CPPED1: variants seen among roughly 807,000 people sequenced by gnomAD.
The protein encoded by CPPED1 is serine/threonine-protein phosphatase CPPED1.
In CPPED1, 28 loss-of-function variants were observed where a neutral mutation model predicts 28.0. That is an observed-to-expected ratio of 1.00 (90% CI 0.74 to 1.37). CPPED1 has a LOEUF of 1.37. CPPED1 is among the 40% of genes most tolerant of loss of function. The pLI is 0.00. For missense variants in CPPED1, 504 were observed against 416.5 expected, an observed-to-expected ratio of 1.21 and a Z score of -1.83; for synonymous variants, 198 against 180.2, an observed-to-expected ratio of 1.10 and a Z score of -0.79.
intron 1 of CPPED1, among the ~76,000 whole-genome samples, chr16:12,789,671 G>T (rs2080584693): frequency 1.3e-5 from 2 of 152,000 alleles, no homozygotes; most frequent in South Asian, 2.1e-4. Context: ...GAGCACAGGT[G>T]CGCGACACCA....
intron 2 of CPPED1, among the ~76,000 whole-genome samples, chr16:12,749,458 C>T (rs2865631): frequency 0.75 from 113,483 of 152,038 alleles, 42,790 homozygotes; most frequent in Admixed American, 0.85. Flanking sequence ...GTCTTGCTAT[C>T]TCTACCACAT....
chr16:12,691,971 A>T (rs534202335), intron 3 of CPPED1, among the ~76,000 whole-genome samples: 94 of 142,824 alleles, frequency 6.6e-4, no homozygotes, highest in African/African-American at 2.3e-3. Context: ...AATACAAAAT[A>T]AAAAAAAAAC....
Position 12,664,505 on chromosome 16 carries a change from AAAG to A in CPPED1, c.*378_*380del, listed in dbSNP as rs1341317260. The A allele has an allele frequency of 2.8e-5, 30 of 1,061,506 alleles. No homozygotes were observed. The highest frequency in any genetic ancestry group is 2.0e-4 in the South Asian group (7 of 35,368). 65.8% of individuals were successfully genotyped at this position (1,061,506 alleles called of 1,614,324 possible). A position where few individuals can be genotyped will look rare whatever the true frequency, so the allele number is the denominator to read the frequency against. On this transcript the variant is annotated 3_prime_UTR_variant, in exon 4 of 4. Transcript: ENST00000381774. This position sits in a 1 kb window ranked among gnomAD's most constrained non-coding sequence, Gnocchi z 4.2. Reference sequence around the variant, plus strand: ...GGTGTAGTTTGTTTAAGGAATTATCAAAGATCATACTTGGCTGTCAGATTGGAA... The same window carrying A: ...GGTGTAGTTTGTTTAAGGAATTATCAATCATACTTGGCTGTCAGATTGGAA...
intron 2 of CPPED1, among the ~76,000 whole-genome samples, chr16:12,712,430 G>A (rs1018520146): frequency 6.6e-6 from 1 of 152,204 alleles, no homozygotes; most frequent in African/African-American, 2.4e-5. Context: ...GATATTGAGT[G>A]AGCCAGCAGT....
At position 12,663,706 on chromosome 16, in the gene CPPED1, G is replaced by A. The variant is rs2079809328; in HGVS notation, c.*1180C>T. On this transcript the variant is annotated 3_prime_UTR_variant, in exon 4 of 4. Coordinates refer to ENST00000381774, the MANE Select transcript of CPPED1 (RefSeq NM_018340.3). ...TTGCAGGTCATGTGTAACCAGCTTTGGAAATCATTTTAGGATTACTGAGTG... is the reference window on the plus strand; with the variant it reads ...TTGCAGGTCATGTGTAACCAGCTTTAGAAATCATTTTAGGATTACTGAGTG... 1 of 152,076 alleles carries A rather than the reference G, an allele frequency of 6.6e-6. No individual in the cohort carries two copies. The highest frequency in any genetic ancestry group is 1.5e-5 in the Non-Finnish European group (1 of 68,008). 9.4% of individuals were successfully genotyped at this position (152,076 alleles called of 1,614,324 possible). A position where few individuals can be genotyped will look rare whatever the true frequency, so the allele number is the denominator to read the frequency against.
chr16:12,785,055 G>A (rs1341944409), intron 1 of CPPED1, among the ~76,000 whole-genome samples: 1 of 152,128 alleles, frequency 6.6e-6, no homozygotes, highest in Non-Finnish European at 1.5e-5. Flanking sequence ...ATTCTCCAAA[G>A]GAACTGGATG....
chr16:12,672,214 A>C (rs186653624), intron 3 of CPPED1, among the ~76,000 whole-genome samples: 178 of 152,376 alleles, frequency 1.2e-3, no homozygotes, highest in Non-Finnish European at 1.5e-3. Context: ...AACTCATGTT[A>C]AGGGGGCAAT....
intron 3 of CPPED1, among the ~76,000 whole-genome samples, chr16:12,698,963 C>G (rs1361245244): frequency 1.3e-5 from 2 of 152,058 alleles, no homozygotes; most frequent in Non-Finnish European, 2.9e-5. Flanking sequence ...GAAAAGGTAT[C>G]GAGACATCAA....
Position 12,803,732 on chromosome 16 carries a change from G to A in CPPED1, c.45C>T (p.Gly15=). 6.3e-7 allele frequency: 1 copy of A among 1,593,642 alleles called. No individual in the cohort carries two copies. The highest frequency in any genetic ancestry group is 1.1e-5 in the South Asian group (1 of 88,282). Residue 15 remains glycine, a synonymous_variant, in exon 1 of 4, where the codon GGC becomes GGT. Coordinates refer to ENST00000381774, the MANE Select transcript of CPPED1 (RefSeq NM_018340.3). ...EAGGVFHRAR[G]RTLAAFPAEK... is the part of the protein sequence containing the mutation. ...CTGCGGGAAACGCGGCCAGGGTCCT[G>A]CCCCTGGCTCTGTGGAAAACACCCC...
rs185675061 is a variant in CPPED1 at position 12,787,491 on chromosome 16, T to C, written c.71-6088A>G. On this transcript the variant is annotated intron_variant, in intron 1 of 3. Transcript: ENST00000381774. ...CGTGGTCTCAGCTCACTGCAACCTC[T>C]GCGTCTCGGTTCAAGTGATTCTCCC... 2.6e-5 allele frequency among the ~76,000 whole-genome samples: 4 copies of C among 151,434 alleles called. No individual in the cohort carries two copies. In the East Asian group the frequency reaches 7.8e-4, roughly 30 times the overall value.
intron 2 of CPPED1, among the ~76,000 whole-genome samples, chr16:12,707,187 G>C (rs983113840): frequency 2.6e-5 from 4 of 152,190 alleles, no homozygotes; most frequent in African/African-American, 4.8e-5. Context: ...GTGGTCCAAG[G>C]CTGATTCATT....
intron 1 of CPPED1, among the ~76,000 whole-genome samples, chr16:12,791,863 G>C (rs114218495): frequency 0.012 from 1,832 of 152,250 alleles, 39 homozygotes; most frequent in African/African-American, 0.041. Context: ...TCAATATTTG[G>C]TGAAGAAATG....
chr16:12,673,654 C>T (rs2079863741), intron 3 of CPPED1, among the ~76,000 whole-genome samples: 1 of 152,160 alleles, frequency 6.6e-6, no homozygotes, highest in African/African-American at 2.4e-5. Context: ...TCTCCATCTG[C>T]CCCTCAGGGC....
intron 2 of CPPED1, among the ~76,000 whole-genome samples, chr16:12,716,561 G>A (rs565065941): frequency 6.6e-6 from 1 of 152,352 alleles, no homozygotes; most frequent in South Asian, 2.1e-4. Context: ...GAACTCAGGT[G>A]TTTGTGGCTA....
chr16:12,706,848 C>T (rs762510583), intron 2 of CPPED1, among the ~76,000 whole-genome samples: 11 of 152,156 alleles, frequency 7.2e-5, no homozygotes, highest in Admixed American at 2.0e-4. Context: ...CAGCCTTTCC[C>T]GAGCCCATTC....
intron 3 of CPPED1, among the ~76,000 whole-genome samples, chr16:12,694,765 T>G (rs2079981157): frequency 6.8e-6 from 1 of 146,194 alleles, no homozygotes; most frequent in Non-Finnish European, 1.5e-5. Flanking sequence ...TGTGAGATAG[T>G]TTTTTAAAAA....
In CPPED1 at chr16:12,661,488, C is replaced by T. The variant is rs2079794101; in HGVS notation, c.*3398G>A. On this transcript the variant is annotated 3_prime_UTR_variant, in exon 4 of 4. Transcript: ENST00000381774. ...TGTAAAAAGTAAATGATCATCTCCC[C>T]AGCCCCATTCCCAAAGTCACTTGAG... 6.6e-6 allele frequency: 1 copy of T among 152,210 alleles called. No individual in the cohort carries two copies. Among genetic ancestry groups the T allele is most frequent in the African/African-American group, 2.4e-5 (1 of 41,448 alleles). 9.4% of individuals were successfully genotyped at this position (152,210 alleles called of 1,614,324 possible).
intron 3 of CPPED1, among the ~76,000 whole-genome samples, chr16:12,683,281 G>C (rs2079915374): frequency 6.6e-6 from 1 of 152,118 alleles, no homozygotes; most frequent in South Asian, 2.1e-4. Context: ...TTACCCCTGG[G>C]CTTCGAGGCA....
intron 3 of CPPED1, among the ~76,000 whole-genome samples, chr16:12,685,482 T>C (rs565324334): frequency 2.0e-4 from 30 of 152,240 alleles, no homozygotes; most frequent in Non-Finnish European, 3.8e-4. Context: ...ATGATAATAA[T>C]AGCAATAATA....
Sources: gnomAD v4.1 joint callset for allele counts (sites outside exome capture counted in the v4.1 genomes callset) on GRCh38, gnomAD v4.1.1 for gene constraint, Gnocchi (gnomAD v3.1) non-coding constraint, MANE v1.5 for transcripts, NCBI Gene and HGNC (gene_info 2026-07-23, HGNC 2026-07-21) for gene names.